TUBGCP3: variants seen among roughly 807,000 people sequenced by gnomAD.
TUBGCP3 encodes the protein gamma-tubulin complex component 3.
Under a neutral mutation model 123.1 loss-of-function variants are expected in TUBGCP3, and 50 were observed. The observed-to-expected ratio is 0.41, with a 90% CI of 0.32 to 0.51. The LOEUF is 0.51. TUBGCP3 is among the 20% of genes least tolerant of loss of function. The probability of loss-of-function intolerance (pLI) is 0.36; values close to 1 mark genes in which losing one functional copy is unlikely to be tolerated. For missense variants in TUBGCP3, 882 were observed against 1,127.0 expected (o/e 0.78, Z 3.11); for synonymous variants, 405 against 413.9 (o/e 0.98, Z 0.26).
chr13:112,555,071 G>C, intron 6 of TUBGCP3, 66 bp from the exon 7 acceptor site: 2 of 1,003,952 alleles, frequency 2.0e-6, no homozygotes, highest in African/African-American at 1.6e-5. Context: ...AGATATTATG[G>C]TGCAATTAGC....
chr13:112,558,249 A>T lies in TUBGCP3; in HGVS notation c.495T>A (p.Ile165=), dbSNP rs1880212904. ...GSVGSSGISS[I]GLCALSGPAP... ...CGGGGCCACTGAGGGCACACAGGCC[A>T]ATGCTGCTGATGCCACTGCTGCCCA... The change falls in exon 5 of 22, where the codon ATT becomes ATA. Residue 165 remains isoleucine (I), a synonymous_variant. Coordinates refer to ENST00000261965, the MANE Select transcript of TUBGCP3 (RefSeq NM_006322.6). 6.2e-7 allele frequency: 1 copy of T among 1,612,508 alleles called. No homozygotes were observed. Among genetic ancestry groups the T allele is most frequent in the Non-Finnish European group, 8.5e-7 (1 of 1,180,034 alleles).
At chr13:112,594,437 TC>T in the TUBGCP3 span, among the ~76,000 whole-genome samples, 1 of 152,140 alleles carries the variant, frequency 6.6e-6, no homozygotes, top group Non-Finnish European at 1.5e-5. Flanking sequence ...TAATAAAAAC[TC>T]CCAACCTAAG....
chr13:112,527,133 T>C (rs1372256102), intron 12 of TUBGCP3, 83 bp from the exon 13 acceptor site: 6 of 1,232,956 alleles, frequency 4.9e-6, no homozygotes, highest in Non-Finnish European at 5.8e-6. Flanking sequence ...AAGCTACAAA[T>C]TGGCTATTGA....
intron 11 of TUBGCP3, among the ~76,000 whole-genome samples, chr13:112,540,130 T>G (rs890645251): frequency 6.7e-6 from 1 of 150,230 alleles, no homozygotes; most frequent in Non-Finnish European, 1.5e-5. Flanking sequence ...AAAGGACACC[T>G]GGGAATGAGG....
At chr13:112,521,619 A>G (rs1876634566) in intron 14 of TUBGCP3, 114 of 970,366 alleles carry the variant, frequency 1.2e-4, no homozygotes, top group Non-Finnish European at 1.4e-4. Flanking sequence ...CAGGGTTTAA[A>G]GGTAAGTTAC....
chr13:112,547,145 C>T (rs930454261), intron 10 of TUBGCP3: 1 of 308,060 alleles, frequency 3.2e-6, no homozygotes, highest in East Asian at 5.1e-5. Flanking sequence ...AACATCTGAC[C>T]GAGAGTCACC....
the TUBGCP3 span, among the ~76,000 whole-genome samples, chr13:112,599,258 C>A: frequency 9.9e-5 from 15 of 152,068 alleles, no homozygotes; most frequent in Non-Finnish European, 1.8e-4. Context: ...TATTCTTTTT[C>A]TTTTTCTTTC....
chr13:112,563,140 G>A (rs553885577), intron 3 of TUBGCP3, among the ~76,000 whole-genome samples: 79 of 152,244 alleles, frequency 5.2e-4, no homozygotes, highest in African/African-American at 1.8e-3. Flanking sequence ...CCGTCTCCAC[G>A]TCAACCTGGA....
chr13:112,534,615 C>CT (rs1235058430), intron 11 of TUBGCP3, among the ~76,000 whole-genome samples: 30 of 151,790 alleles, frequency 2.0e-4, no homozygotes, highest in Non-Finnish European at 2.9e-5. Context: ...GATGTGCAGC[C>CT]TGAGAGCTAC....
intron 1 of TUBGCP3, among the ~76,000 whole-genome samples, chr13:112,575,338 C>G (rs1293750751): frequency 6.6e-6 from 1 of 152,088 alleles, no homozygotes; most frequent in African/African-American, 2.4e-5. Context: ...AAACTTTAGA[C>G]TAAGAAAAAT....
chr13:112,583,088 G>A (rs950786059), intron 1 of TUBGCP3, among the ~76,000 whole-genome samples: 2 of 152,166 alleles, frequency 1.3e-5, no homozygotes, highest in African/African-American at 2.4e-5. Flanking sequence ...TTACTAGCTC[G>A]ATGATAGTGA....
chr13:112,498,035 C>T (rs1029698019), intron 20 of TUBGCP3, among the ~76,000 whole-genome samples: 5 of 152,122 alleles, frequency 3.3e-5, no homozygotes, highest in Admixed American at 6.6e-5. Context: ...TACATGTACA[C>T]ACACACACAC....
At chr13:112,562,706 C>G (rs1443648767) in intron 3 of TUBGCP3, among the ~76,000 whole-genome samples, 1 of 152,158 alleles carries the variant, frequency 6.6e-6, no homozygotes, top group African/African-American at 2.4e-5. Context: ...TTTAACCACC[C>G]GAAATCACTT....
chr13:112,493,267 C>A (rs531600262), intron 20 of TUBGCP3, among the ~76,000 whole-genome samples: 14 of 147,766 alleles, frequency 9.5e-5, no homozygotes, highest in Non-Finnish European at 1.5e-4. Flanking sequence ...GTGCCTGAGA[C>A]GCTCTAGCTA....
intron 19 of TUBGCP3, among the ~76,000 whole-genome samples, chr13:112,500,546 T>C (rs906018514): frequency 3.3e-5 from 5 of 152,102 alleles, no homozygotes; most frequent in Non-Finnish European, 5.9e-5. Context: ...ACAAAATCAA[T>C]ACCATTTCAG....
chr13:112,558,525 G>T, intron 4 of TUBGCP3, 112 bp from the exon 5 acceptor site: 4 of 929,374 alleles, frequency 4.3e-6, no homozygotes, highest in South Asian at 4.8e-5. Flanking sequence ...AACTGGATTT[G>T]GGTTCCATAC....
At chr13:112,600,997 G>A in the TUBGCP3 span, among the ~76,000 whole-genome samples, 2 of 151,918 alleles carry the variant, frequency 1.3e-5, no homozygotes, top group Non-Finnish European at 2.9e-5. Context: ...AGACCAGCCT[G>A]GCCAACATGG....
chr13:112,571,373 G>A (rs1015909993), intron 1 of TUBGCP3, among the ~76,000 whole-genome samples: 3 of 152,170 alleles, frequency 2.0e-5, no homozygotes, highest in African/African-American at 4.8e-5. Context: ...CATTCTCAAC[G>A]AGCAGTAAGG....
At chr13:112,518,789 G>T (rs988769622) in intron 16 of TUBGCP3, among the ~76,000 whole-genome samples, 186 bp downstream of exon 16, 3 of 152,130 alleles carry the variant, frequency 2.0e-5, no homozygotes, top group Non-Finnish European at 4.4e-5. Flanking sequence ...GAGCATTTCA[G>T]TACTCATTAA....
Sources: allele counts gnomAD v4.1 joint callset (sites outside exome capture counted in the v4.1 genomes callset), GRCh38; gene constraint gnomAD v4.1.1; transcripts MANE v1.5; gene names NCBI Gene and HGNC (gene_info 2026-07-23, HGNC 2026-07-21).